Variants in ACOT7 observed in about 807,000 individuals in gnomAD.
The protein encoded by ACOT7 is cytosolic acyl coenzyme A thioester hydrolase.
Under a neutral mutation model 40.2 loss-of-function variants are expected in ACOT7, and 12 were observed. The ratio of observed to expected loss-of-function variants is 0.30; its 90% confidence interval spans 0.19 to 0.48. The LOEUF is 0.48. ACOT7 is among the 20% of genes least tolerant of loss of function. The pLI is 0.99. For missense variants in ACOT7, 395 were observed against 530.8 expected, an observed-to-expected ratio of 0.74 and a Z score of 2.51; for synonymous variants, 228 against 219.5, an observed-to-expected ratio of 1.04 and a Z score of -0.34.
At chr1:6,361,186 C>T (rs541471149) in intron 1 of ACOT7, among the ~76,000 whole-genome samples, 18 of 152,134 alleles carry the variant, frequency 1.2e-4, no homozygotes, top group South Asian at 2.1e-4. Flanking sequence ...CAGTAATGCA[C>T]GGACCAGCCT....
At chr1:6,386,421 C>T (rs1642441895) in intron 1 of ACOT7, among the ~76,000 whole-genome samples, 1 of 152,138 alleles carries the variant, frequency 6.6e-6, no homozygotes, top group Non-Finnish European at 1.5e-5. Context: ...TCAAGCAGCC[C>T]CAAAACAGTC....
chr1:6,369,729 C>A (rs552183233), intron 1 of ACOT7, among the ~76,000 whole-genome samples: 3 of 152,120 alleles, frequency 2.0e-5, no homozygotes, highest in Non-Finnish European at 2.9e-5. Context: ...CAGGCGCCCA[C>A]CACCACGCCC....
At chr1:6,325,943 G>C (rs1356293694) in intron 5 of ACOT7, among the ~76,000 whole-genome samples, 1 of 152,198 alleles carries the variant, frequency 6.6e-6, no homozygotes, top group South Asian at 2.1e-4. Flanking sequence ...GCACATCCAA[G>C]GGGGAAAGGG....
rs574900730 is a variant in ACOT7 at position 6,311,392 on chromosome 1, T to C, written c.712+7100A>G. 6.6e-5 allele frequency among the ~76,000 whole-genome samples: 10 copies of C among 152,152 alleles called. No individual in the cohort carries two copies. Among genetic ancestry groups the C allele is most frequent in the African/African-American group, 2.4e-4 (10 of 41,488 alleles). The stretch of plus-strand genomic sequence containing the variant: ...GGACGAGGGCCCCATGAGGGCCACA[T>C]CTAGGCTGAAATGAGAGAGACAGGC... On this transcript the variant is annotated intron_variant, in intron 6 of 8. Coordinates refer to ENST00000361521, the MANE Select transcript of ACOT7 (RefSeq NM_007274.4). The surrounding 1 kb of genome is among the most constrained non-coding windows in gnomAD (Gnocchi z 5.2).
intron 1 of ACOT7, among the ~76,000 whole-genome samples, chr1:6,380,636 C>CTT (rs1642317627): frequency 6.9e-6 from 1 of 145,498 alleles, no homozygotes; most frequent in South Asian, 2.2e-4. Flanking sequence ...GAAAGACAAT[C>CTT]TTTTCAACAA....
chr1:6,302,566 C>T (rs7540503), intron 6 of ACOT7, among the ~76,000 whole-genome samples: 9,721 of 152,046 alleles, frequency 0.064, 934 homozygotes, highest in African/African-American at 0.21. Context: ...TTTTTAGTGT[C>T]GATCCAGTGG....
chr1:6,333,654 G>GCGCC, intron 3 of ACOT7, 86 bp from the exon 4 acceptor site: 1 of 1,343,920 alleles, frequency 7.4e-7, no homozygotes, highest in Non-Finnish European at 1.1e-6. Flanking sequence ...TGCTGCTCCA[G>GCGCC]CGCCCGGTCC....
chr1:6,280,160 G>A (rs1639313722), intron 8 of ACOT7, among the ~76,000 whole-genome samples: 3 of 152,234 alleles, frequency 2.0e-5, no homozygotes, highest in South Asian at 2.1e-4. Context: ...AGAGGCCTGC[G>A]GGCACCCGCC....
At chr1:6,340,872 C>T (rs1641257467) in intron 2 of ACOT7, among the ~76,000 whole-genome samples, 1 of 151,984 alleles carries the variant, frequency 6.6e-6, no homozygotes, top group Non-Finnish European at 1.5e-5. Flanking sequence ...TCCATCTCTA[C>T]TAAAAATACA....
At chr1:6,280,099 C>T (rs1307379806) in intron 8 of ACOT7, among the ~76,000 whole-genome samples, 2 of 152,226 alleles carry the variant, frequency 1.3e-5, no homozygotes, top group Non-Finnish European at 2.9e-5. Flanking sequence ...GGGTCAGCCT[C>T]GCAGGGCCGT....
intron 1 of ACOT7, among the ~76,000 whole-genome samples, chr1:6,366,973 C>T (rs559165051): frequency 3.3e-5 from 5 of 152,014 alleles, no homozygotes; most frequent in South Asian, 2.1e-4. Context: ...CCGAGGCAGG[C>T]GGATCACGAG....
At chr1:6,283,993 TCAGAAAAAAAGAAAAAAA>T (rs1639428013) in intron 7 of ACOT7, among the ~76,000 whole-genome samples, 1 of 151,928 alleles carries the variant, frequency 6.6e-6, no homozygotes, top group Admixed American at 6.5e-5. Flanking sequence ...AGACCCTGTC[TCAGAAAAAAAGAAAAAAA>T]CTGGAAATCT....
intron 1 of ACOT7, among the ~76,000 whole-genome samples, chr1:6,376,814 T>G (rs1571352923): frequency 6.7e-6 from 1 of 150,030 alleles, no homozygotes; most frequent in African/African-American, 2.5e-5. Flanking sequence ...GAGAATGGCG[T>G]GAACCTGGGA....
At chr1:6,308,966 G>C (rs1004044420) in intron 6 of ACOT7, among the ~76,000 whole-genome samples, 1 of 152,230 alleles carries the variant, frequency 6.6e-6, no homozygotes, top group Non-Finnish European at 1.5e-5. Flanking sequence ...GCACAGAATA[G>C]AAAACCACTA....
chr1:6,291,247 G>A (rs944576644), intron 7 of ACOT7, among the ~76,000 whole-genome samples: 21 of 152,100 alleles, frequency 1.4e-4, no homozygotes, highest in Admixed American at 1.4e-3. Context: ...GATCACCCCG[G>A]ATTCTCCAGG....
intron 2 of ACOT7, among the ~76,000 whole-genome samples, chr1:6,348,172 A>G (rs778904330): frequency 6.6e-6 from 1 of 151,986 alleles, no homozygotes; most frequent in Non-Finnish European, 1.5e-5. Context: ...CAAAGAATCA[A>G]TCTACCCCCA....
At chr1:6,280,053 C>T (rs57590304) in intron 8 of ACOT7, among the ~76,000 whole-genome samples, 1 of 152,112 alleles carries the variant, frequency 6.6e-6, no homozygotes, top group Admixed American at 6.5e-5. Context: ...GAGCAGACGC[C>T]GCGGGGGCAG....
chr1:6,374,602 A>C (rs1234399826), intron 1 of ACOT7, among the ~76,000 whole-genome samples: 2 of 152,152 alleles, frequency 1.3e-5, no homozygotes, highest in Admixed American at 6.5e-5. Flanking sequence ...GGGCAGGTGG[A>C]AATGGCCAAG....
At chr1:6,391,791 C>G (rs1642537368) in intron 1 of ACOT7, among the ~76,000 whole-genome samples, 1 of 152,174 alleles carries the variant, frequency 6.6e-6, no homozygotes, top group African/African-American at 2.4e-5. Flanking sequence ...GGTGGCACTA[C>G]CGACCATCAA....
Sources: gnomAD v4.1 joint callset for allele counts (sites outside exome capture counted in the v4.1 genomes callset) on GRCh38, gnomAD v4.1.1 for gene constraint, Gnocchi (gnomAD v3.1) non-coding constraint, MANE v1.5 for transcripts, NCBI Gene and HGNC (gene_info 2026-07-23, HGNC 2026-07-21) for gene names.